ROBO4: variants seen among roughly 807,000 people sequenced by gnomAD.
ROBO4 encodes the protein roundabout homolog 4.
Under a neutral mutation model 103.3 loss-of-function variants are expected in ROBO4, and 80 were observed. The ratio of observed to expected loss-of-function variants is 0.77; its 90% confidence interval spans 0.65 to 0.93. The LOEUF is 0.93. Among genes scored for constraint, ROBO4 ranks in the 40% least tolerant of loss-of-function variants. ROBO4 has a pLI of 0.00. For missense variants in ROBO4, 1,333 were observed against 1,305.3 expected (o/e 1.02, Z -0.33); for synonymous variants, 504 against 529.7 (o/e 0.95, Z 0.67).
rs778520763 is a variant in ROBO4, at chr11:124,895,206, A to G, written c.1037-13T>C. ...GGGGCACTGGGCACTGGAGGGGTGG[A>G]AGAGAGACTATGAGGGGCTCTGAGG... On this transcript the variant is annotated splice_polypyrimidine_tract_variant and intron_variant, in intron 6 of 17. Coordinates refer to ENST00000306534, the MANE Select transcript of ROBO4 (RefSeq NM_019055.6). 2.4e-5 allele frequency: 38 copies of G among 1,596,338 alleles called. No homozygotes were observed. The highest frequency in any genetic ancestry group is 3.1e-5 in the Non-Finnish European group (36 of 1,164,396).
chr11:124,886,619 G>C lies in ROBO4; in HGVS notation c.2639C>G (p.Ala880Gly), dbSNP rs1946717227. 1 of 1,614,060 alleles carries C rather than the reference G, an allele frequency of 6.2e-7. No individual in the cohort carries two copies. The highest frequency in any genetic ancestry group is 1.7e-5 in the Admixed American group (1 of 60,008). ...EGSLANGWGSASEDNAASARA... is the reference protein window; with the variant it reads ...EGSLANGWGSGSEDNAASARA... ...GGCGCTGGCGGCATTGTCCTCAGAG[G>C]CTGAGCCCCAACCATTGGCTAAGGA... Residue 880 changes from alanine (A) to glycine (G), a missense_variant, in exon 16 of 18, where the codon GCC becomes GGC. By Grantham distance (60) the Ala-to-Gly change is moderately conservative. Coordinates refer to ENST00000306534, the MANE Select transcript of ROBO4 (RefSeq NM_019055.6).
intron 9 of ROBO4, 28 bp downstream of exon 9, chr11:124,893,832 T>C (rs1329946650): frequency 3.7e-6 from 6 of 1,613,038 alleles, no homozygotes; most frequent in Admixed American, 3.3e-5. Context: ...GAGGCCTGTA[T>C]ACATGTGGGT....
At chr11:124,895,372 G>T in intron 6 of ROBO4, 85 bp downstream of exon 6, 1 of 1,352,200 alleles carries the variant, frequency 7.4e-7, no homozygotes, top group Non-Finnish European at 1.0e-6. Context: ...CTCCCCTCAA[G>T]ACTGAAGCAG....
intron 10 of ROBO4, chr11:124,892,562 T>C (rs1333717023): frequency 2.5e-5 from 4 of 157,010 alleles, no homozygotes; most frequent in Admixed American, 1.2e-4. Context: ...GCTTCATTGC[T>C]CTTCTCTCCA....
At position 124,886,785 on chromosome 11, in the gene ROBO4, GGGGTGAA is replaced by G. The variant is rs775306777; in HGVS notation, c.2466_2472del (p.Ser823ProfsTer49). 1.9e-6 allele frequency: 3 copies of G among 1,541,666 alleles called. No homozygotes were observed. In the African/African-American group the frequency reaches 4.1e-5, roughly 21 times the overall value. ...ACGCTGATGTACCCATAGGTGGTGG[GGGGTGAA>G]GGAGCCCTTGGCATGGGAGAGACGC... On this transcript the variant is annotated frameshift_variant, in exon 16 of 18. Transcript: ENST00000306534. LOFTEE classifies it high-confidence loss of function.
chr11:124,887,796 A>C lies in ROBO4; in HGVS notation c.1993T>G (p.Ser665Ala). 6.2e-7 allele frequency: 1 copy of C among 1,613,984 alleles called. No individual in the cohort carries two copies. Among genetic ancestry groups the C allele is most frequent in the Non-Finnish European group, 8.5e-7 (1 of 1,179,952 alleles). Residue 665 changes from serine (S) to alanine (A), a missense_variant, in exon 13 of 18, where the codon TCC (serine) becomes GCC (alanine). Ser to Ala is a moderately conservative substitution (Grantham distance 99). Transcript: ENST00000306534. ...NSSPLLRGSH[S>A]LELRACELGN... ...AACTCACAGGCCCGGAGCTCCAAGG[A>C]GTGGCTGCCCCGGAGCAGTGGGGAA...
At chr11:124,893,792 GC>G in intron 9 of ROBO4, 62 bp from the exon 10 acceptor site, 1 of 1,612,814 alleles carries the variant, frequency 6.2e-7, no homozygotes, top group Non-Finnish European at 8.5e-7. Context: ...GAGATCCAAA[GC>G]CCCTGCACCA....
chr11:124,891,223 C>T (rs1946791577), intron 12 of ROBO4, 76 bp downstream of exon 12: 1 of 1,484,418 alleles, frequency 6.7e-7, no homozygotes, highest in Non-Finnish European at 9.0e-7. Context: ...GGCTTTGAGG[C>T]CTTGTTCCCA....
chr11:124,887,891 C>G (rs778513919), intron 12 of ROBO4, 51 bp from the exon 13 acceptor site: 1 of 1,451,586 alleles, frequency 6.9e-7, no homozygotes, highest in Admixed American at 1.9e-5. Flanking sequence ...CTTTTCAGAC[C>G]CCAGCTGCTG....
chr11:124,895,366 C>T, intron 6 of ROBO4, 91 bp downstream of exon 6: 3 of 1,318,404 alleles, frequency 2.3e-6, no homozygotes, highest in South Asian at 1.3e-5. Flanking sequence ...CATAATCTCC[C>T]CTCAAGACTG....
intron 1 of ROBO4, 190 bp from the exon 2 acceptor site, chr11:124,897,451 G>A: frequency 1.7e-6 from 1 of 585,864 alleles, no homozygotes; most frequent in East Asian, 2.8e-5. Flanking sequence ...ATCCAGGCCA[G>A]GGCTTGCATA....
rs539238477 is a variant in ROBO4 at position 124,886,750 on chromosome 11, G to A, written c.2508C>T (p.Ala836=). 2 of 1,580,180 alleles carry A rather than the reference G, an allele frequency of 1.3e-6. No homozygotes were observed. The highest frequency in any genetic ancestry group is 4.5e-5 in the East Asian group (2 of 44,474). ...TTYGYISVPT[A]SEFTDMGRTG... is the part of the protein sequence containing the mutation. ...TCCTGCCCATGTCCGTGAACTCTGAGGCTGTTGGGACGCTGATGTACCCAT... is the reference window on the plus strand; with the variant it reads ...TCCTGCCCATGTCCGTGAACTCTGAAGCTGTTGGGACGCTGATGTACCCAT... Residue 836 remains alanine, a synonymous_variant, in exon 16 of 18, where the codon GCC becomes GCT. Transcript: ENST00000306534.
At chr11:124,895,709 G>A (rs1183937479) in intron 5 of ROBO4, 24 bp from the exon 6 acceptor site, 1 of 1,611,556 alleles carries the variant, frequency 6.2e-7, no homozygotes, top group Non-Finnish European at 8.5e-7. Context: ...TCGAGGAAGG[G>A]CGGGGGGTCA....
chr11:124,896,042 C>T (rs959730493), intron 4 of ROBO4, 130 bp from the exon 5 acceptor site: 14 of 1,524,894 alleles, frequency 9.2e-6, no homozygotes, highest in East Asian at 4.5e-5. Flanking sequence ...TTGAGCATTC[C>T]GATTTCTACT....
rs1448585779 is a variant in ROBO4 at position 124,886,708 on chromosome 11, C to T, written c.2550G>A (p.Gly850=). 5.6e-6 allele frequency: 9 copies of T among 1,607,242 alleles called. No homozygotes were observed. The East Asian group carries it at 1.8e-4, about 32-fold the overall frequency. ...GGCACAGCAAGACTCCCCCCTTGGG[C>T]CCCACCCCTCCTCCAGTCCTGCCCA... is the stretch of plus-strand genomic sequence containing the variant. The part of the protein sequence containing the change: ...TDMGRTGGGV[G]PKGGVLLCPP... Residue 850 remains glycine (G), a synonymous_variant, in exon 16 of 18, where the codon GGG becomes GGA. Coordinates refer to ENST00000306534, the MANE Select transcript of ROBO4 (RefSeq NM_019055.6).
chr11:124,892,132 G>T lies in ROBO4; in HGVS notation c.1548-330C>A, dbSNP rs998225602. The T allele has an allele frequency of 1.3e-4, 67 of 525,664 alleles. 1 individual carries two copies. Among genetic ancestry groups the T allele is most frequent in the African/African-American group, 1.1e-3 (59 of 52,884 alleles). 32.6% of individuals were successfully genotyped at this position (525,664 alleles called of 1,614,324 possible). On this transcript the variant is annotated intron_variant, in intron 10 of 17. Coordinates refer to ENST00000306534, the MANE Select transcript of ROBO4 (RefSeq NM_019055.6). ...TCTCTATCTGTCACAGCTTAGCTTG[G>T]GTAAGTACATCTGTTGCACTTGGGT... is the stretch of plus-strand genomic sequence containing the variant.
intron 13 of ROBO4, 84 bp downstream of exon 13, chr11:124,887,649 G>T: frequency 6.5e-7 from 1 of 1,533,340 alleles, no homozygotes; most frequent in Non-Finnish European, 8.9e-7. Flanking sequence ...GGATGAGCCC[G>T]TGGGAGGGCC....
At chr11:124,896,443 G>T (rs1231422736) in intron 3 of ROBO4, 70 bp downstream of exon 3, 1 of 1,591,260 alleles carries the variant, frequency 6.3e-7, no homozygotes, top group African/African-American at 1.3e-5. Context: ...TGGACGGCAG[G>T]TCAGTCCATC....
intron 3 of ROBO4, 30 bp from the exon 4 acceptor site, chr11:124,896,348 C>T: frequency 6.2e-7 from 1 of 1,612,684 alleles, no homozygotes; most frequent in South Asian, 1.1e-5. Flanking sequence ...TGTGAAGTCT[C>T]CTATGTGGGG....
Sources: allele counts gnomAD v4.1 joint callset, GRCh38; gene constraint gnomAD v4.1.1; transcripts MANE v1.5; gene names NCBI Gene and HGNC (gene_info 2026-07-23, HGNC 2026-07-21).